Variants in RBPJ observed in about 807,000 individuals in gnomAD.
The protein encoded by RBPJ is recombination signal binding protein for immunoglobulin kappa J region.
In RBPJ, 9 loss-of-function variants were observed where a neutral mutation model predicts 67.8. The ratio of observed to expected loss-of-function variants is 0.13; its 90% CI spans 0.08 to 0.23. RBPJ has a LOEUF of 0.23. Among genes scored for constraint, RBPJ ranks in the 10% least tolerant of loss-of-function variants. The pLI, the probability that RBPJ is intolerant of heterozygous loss-of-function variation, is 1.00. For missense variants in RBPJ, 305 were observed against 595.6 expected (o/e 0.51, Z 5.08); for synonymous variants, 198 against 203.3 (o/e 0.97, Z 0.22).
chr4:26,286,340 G>A (rs927590920), intron 1 of RBPJ, among the ~76,000 whole-genome samples: 2 of 152,008 alleles, frequency 1.3e-5, no homozygotes, highest in East Asian at 1.9e-4. Context: ...AGCCAGATGC[G>A]TGGTGGTGAG....
At chr4:26,252,478 C>T (rs1295049385) in intron 1 of RBPJ, among the ~76,000 whole-genome samples, 1 of 151,830 alleles carries the variant, frequency 6.6e-6, no homozygotes, top group East Asian at 1.9e-4. Flanking sequence ...TCACAGCTCT[C>T]AGAAGGCTGA....
intron 1 of RBPJ, among the ~76,000 whole-genome samples, chr4:26,247,703 C>T (rs1719974773): frequency 6.6e-6 from 1 of 152,164 alleles, no homozygotes; most frequent in Admixed American, 6.5e-5. Flanking sequence ...AGCCACCGTA[C>T]CCAGCCTTCA....
At chr4:26,181,992 A>G (rs10004393) in intron 1 of RBPJ, among the ~76,000 whole-genome samples, 21,352 of 152,170 alleles carry the variant, frequency 0.14, 4,255 homozygotes, top group African/African-American at 0.44. Context: ...TTCAATAATC[A>G]ATTAACTTTA....
chr4:26,310,505 C>A lies in RBPJ; in HGVS notation c.-166-51941C>A, dbSNP rs376220594. ...CCTTGCTTTGTATTCTCAGAAGCTC[C>A]TATCAGCTATCTACAGTGGGTTTCC... On this transcript the variant is annotated intron_variant, in intron 1 of 4. Transcript: ENST00000512351. Among the ~76,000 whole-genome samples the A allele has an allele frequency of 6.8e-4, 103 of 152,240 alleles. 1 individual carries two copies. Among genetic ancestry groups the A allele is most frequent in the Middle Eastern group, 6.8e-3 (2 of 294 alleles).
At chr4:26,418,502 T>C (rs566404921) in intron 4 of RBPJ, among the ~76,000 whole-genome samples, 2 of 152,296 alleles carry the variant, frequency 1.3e-5, no homozygotes, top group African/African-American at 4.8e-5. Context: ...TCCAAGGAGA[T>C]ATATGTGTGT....
intron 1 of RBPJ, among the ~76,000 whole-genome samples, chr4:26,185,130 A>G (rs1301277807): frequency 5.5e-5 from 8 of 145,938 alleles, no homozygotes; most frequent in Non-Finnish European, 7.6e-5. Flanking sequence ...GGATAGAGTG[A>G]GACTCTGTCT....
At chr4:26,200,500 G>A (rs1181550286) in intron 1 of RBPJ, among the ~76,000 whole-genome samples, 1 of 151,960 alleles carries the variant, frequency 6.6e-6, no homozygotes, top group East Asian at 1.9e-4. Flanking sequence ...GATACCCTGT[G>A]TCTACAAAAA....
intron 1 of RBPJ, among the ~76,000 whole-genome samples, chr4:26,334,053 T>C (rs1322496777): frequency 1.3e-5 from 2 of 152,032 alleles, no homozygotes; most frequent in South Asian, 2.1e-4. Flanking sequence ...TTTTCTTTTT[T>C]TTTTTTTGAT....
At chr4:26,295,782 T>C (rs1267591379) in intron 1 of RBPJ, among the ~76,000 whole-genome samples, 4 of 152,148 alleles carry the variant, frequency 2.6e-5, no homozygotes, top group Non-Finnish European at 5.9e-5. Context: ...GCTGGTCCAA[T>C]AATCATATGA....
intron 2 of RBPJ, among the ~76,000 whole-genome samples, chr4:26,399,204 G>A (rs1732496668): frequency 6.6e-6 from 1 of 152,016 alleles, no homozygotes; most frequent in Admixed American, 6.6e-5. Flanking sequence ...TGCTTCAGTG[G>A]TGTTGCCTCA....
chr4:26,194,484 C>G (rs1026641785), intron 1 of RBPJ, among the ~76,000 whole-genome samples: 2 of 152,200 alleles, frequency 1.3e-5, no homozygotes, highest in African/African-American at 4.8e-5. Context: ...TGCCCATTGT[C>G]AGATGAGGAA....
intron 1 of RBPJ, among the ~76,000 whole-genome samples, chr4:26,278,573 T>A (rs926961586): frequency 6.6e-6 from 1 of 152,210 alleles, no homozygotes; most frequent in African/African-American, 2.4e-5. Context: ...TTTCTACAAC[T>A]TAACTTCTAC....
Position 26,186,876 on chromosome 4 carries a change from A to C in RBPJ, c.-167+23262A>C, listed in dbSNP as rs571570069. Among the ~76,000 whole-genome samples the C allele has an allele frequency of 2.7e-3, 418 of 152,302 alleles. 1 individual carries two copies. The highest frequency in any genetic ancestry group is 0.01 in the Middle Eastern group (3 of 294). ...CATCACTGTTTTAAGTGACTTTATT[A>C]TCCACGGAATACCCCAGCAATTTGC... On this transcript the variant is annotated intron_variant, in intron 1 of 4. Coordinates refer to the RBPJ transcript ENST00000512351.
At position 26,262,275 on chromosome 4, in the gene RBPJ, A is replaced by C. The variant is rs192276395; in HGVS notation, c.-167+98661A>C. ...TTGTTTTAAGAAATGAAGTCTCACTATATTGCCCAGGCTGGACTAGAACCC... is the reference window on the plus strand; with the variant it reads ...TTGTTTTAAGAAATGAAGTCTCACTCTATTGCCCAGGCTGGACTAGAACCC... On this transcript the variant is annotated intron_variant, in intron 1 of 4. Coordinates refer to the RBPJ transcript ENST00000512351. Among the ~76,000 whole-genome samples the C allele has an allele frequency of 5.4e-4, 81 of 151,312 alleles. 1 individual carries two copies. The East Asian group carries it at 0.011, about 20-fold the overall frequency.
chr4:26,362,706 A>G (rs1728203537), intron 1 of RBPJ: 1 of 1,091,432 alleles, frequency 9.2e-7, no homozygotes, highest in South Asian at 1.3e-5. Context: ...TAGTTAATGC[A>G]TATTTAAGAT....
the RBPJ span, among the ~76,000 whole-genome samples, chr4:26,140,859 A>AAATAAAT: frequency 6.6e-6 from 1 of 151,438 alleles, no homozygotes; most frequent in Non-Finnish European, 1.5e-5. Flanking sequence ...ATAAATAAAT[A>AAATAAAT]AATAAATAAA....
At chr4:26,178,046 A>T (rs1015863735) in intron 1 of RBPJ, among the ~76,000 whole-genome samples, 1 of 152,270 alleles carries the variant, frequency 6.6e-6, no homozygotes, top group Non-Finnish European at 1.5e-5. Context: ...CTCTTGCTGA[A>T]CATTTAGATT....
chr4:26,281,748 G>A (rs1439309250), intron 1 of RBPJ, among the ~76,000 whole-genome samples: 1 of 152,154 alleles, frequency 6.6e-6, no homozygotes, highest in African/African-American at 2.4e-5. Context: ...AAGCAAAAAG[G>A]TGGAATTGTC....
intron 3 of RBPJ, among the ~76,000 whole-genome samples, chr4:26,413,464 C>G (rs1174874088): frequency 1.3e-5 from 2 of 152,088 alleles, no homozygotes; most frequent in African/African-American, 4.8e-5. Flanking sequence ...AGTGTAAGTT[C>G]CATGAGGAGA....
Sources: gnomAD v4.1 joint callset for allele counts (sites outside exome capture counted in the v4.1 genomes callset) on GRCh38, gnomAD v4.1.1 for gene constraint, MANE v1.5 for transcripts, NCBI Gene and HGNC (gene_info 2026-07-23, HGNC 2026-07-21) for gene names.